SLC24A2: variants seen among roughly 807,000 people sequenced by gnomAD.
SLC24A2 encodes solute carrier family 24 member 2, also known as sodium/potassium/calcium exchanger 2.
A neutral mutation model predicts 62.0 loss-of-function variants in SLC24A2; 36 were observed. The observed-to-expected ratio is 0.58, with a 90% CI of 0.44 to 0.77. SLC24A2 has a LOEUF of 0.77. Among genes scored for constraint, SLC24A2 ranks in the 30% least tolerant of loss-of-function variants. SLC24A2 has a pLI of 0.00. For missense variants in SLC24A2, 846 were observed against 817.9 expected (o/e 1.03, Z -0.42); for synonymous variants, 358 against 294.0 (o/e 1.22, Z -2.23).
At chr9:20,244,275 G>T in the SLC24A2 span, among the ~76,000 whole-genome samples, 1 of 152,140 alleles carries the variant, frequency 6.6e-6, no homozygotes, top group Admixed American at 6.5e-5. Context: ...GAGTTTACAA[G>T]ATCCCAAGGA....
chr9:19,633,586 C>T (rs1201987775), intron 2 of SLC24A2, among the ~76,000 whole-genome samples: 1 of 152,082 alleles, frequency 6.6e-6, no homozygotes, highest in African/African-American at 2.4e-5. Context: ...CCAGGCTGGT[C>T]TTGTACTCCT....
chr9:19,795,582 T>C, the SLC24A2 span, among the ~76,000 whole-genome samples: 1 of 152,212 alleles, frequency 6.6e-6, no homozygotes, highest in African/African-American at 2.4e-5. Flanking sequence ...AGTTTTTTTT[T>C]CCAGGTACTT....
rs769204758 is a variant in SLC24A2, at chr9:19,509,540, A to G, written c.*6613T>C. Reference sequence around the variant, plus strand: ...ACAGTTGTCTCTTATGAAGTACTATAAAGTGCAATATTAAAAAATTAAAAA... The same window carrying G: ...ACAGTTGTCTCTTATGAAGTACTATGAAGTGCAATATTAAAAAATTAAAAA... On this transcript the variant is annotated 3_prime_UTR_variant, in exon 11 of 11. Coordinates refer to ENST00000341998, the MANE Select transcript of SLC24A2 (RefSeq NM_020344.4). 60 of 152,170 alleles carry G rather than the reference A, an allele frequency of 3.9e-4. No individual in the cohort carries two copies. Among genetic ancestry groups the G allele is most frequent in the Non-Finnish European group, 6.0e-4 (41 of 68,026 alleles). The allele number at this position is 152,170 out of a possible 1,614,324, so 9.4% of individuals were successfully genotyped here.
At chr9:19,608,814 G>C (rs576327877) in intron 4 of SLC24A2, among the ~76,000 whole-genome samples, 317 of 147,590 alleles carry the variant, frequency 2.1e-3, no homozygotes, top group Middle Eastern at 0.01. Context: ...ACACACACAC[G>C]CATAGACACT....
At chr9:20,015,432 A>G in the SLC24A2 span, among the ~76,000 whole-genome samples, 3 of 152,222 alleles carry the variant, frequency 2.0e-5, no homozygotes, top group Admixed American at 1.3e-4. Flanking sequence ...TGTGAGCTGG[A>G]TTGTTGAGTT....
intron 8 of SLC24A2, among the ~76,000 whole-genome samples, chr9:19,541,791 G>A (rs1470748637): frequency 1.3e-5 from 2 of 148,470 alleles, no homozygotes; most frequent in African/African-American, 2.5e-5. Context: ...AATGGCGGGC[G>A]CCCCTCCCCC....
At chr9:19,547,752 T>C (rs576924696) in intron 8 of SLC24A2, among the ~76,000 whole-genome samples, 2 of 151,612 alleles carry the variant, frequency 1.3e-5, no homozygotes, top group South Asian at 4.1e-4. Flanking sequence ...TTTGGGAATT[T>C]AGAAAACTGT....
intron 2 of SLC24A2, among the ~76,000 whole-genome samples, chr9:19,707,610 C>G (rs1394682438): frequency 2.6e-5 from 4 of 152,176 alleles, no homozygotes; most frequent in Admixed American, 6.5e-5. Context: ...ATACGAAAAT[C>G]AATAAATGTA....
chr9:20,202,534 G>C, the SLC24A2 span, among the ~76,000 whole-genome samples: 1 of 152,130 alleles, frequency 6.6e-6, no homozygotes, highest in African/African-American at 2.4e-5. Context: ...TGAGGGGATA[G>C]TTGTGGGTTT....
the SLC24A2 span, among the ~76,000 whole-genome samples, chr9:20,052,162 T>G: frequency 6.6e-6 from 1 of 152,200 alleles, no homozygotes; most frequent in East Asian, 1.9e-4. Flanking sequence ...CATTAACATT[T>G]CCACTTGGAT....
At chr9:19,965,420 T>A in the SLC24A2 span, among the ~76,000 whole-genome samples, 1 of 152,200 alleles carries the variant, frequency 6.6e-6, no homozygotes, top group Non-Finnish European at 1.5e-5. Context: ...AACCAACTAT[T>A]TGCCAACTAG....
At chr9:20,227,905 C>A in the SLC24A2 span, among the ~76,000 whole-genome samples, 5 of 152,152 alleles carry the variant, frequency 3.3e-5, no homozygotes, top group African/African-American at 1.2e-4. Context: ...CACAGAAATT[C>A]TGCTCTATCC....
rs973088806 is a variant in SLC24A2 at position 19,601,444 on chromosome 9, A to G, written c.1079-4165T>C. On this transcript the variant is annotated intron_variant, in intron 4 of 10. Transcript: ENST00000341998. ...GAAGCTTTGTTCTTTTGCTTTTCACAATAAATCTTGCTGCTGCTCATTATT... is the reference window on the plus strand; with the variant it reads ...GAAGCTTTGTTCTTTTGCTTTTCACGATAAATCTTGCTGCTGCTCATTATT... 3.9e-5 allele frequency among the ~76,000 whole-genome samples: 6 copies of G among 152,204 alleles called. 1 individual carries two copies. The highest frequency in any genetic ancestry group is 1.4e-4 in the African/African-American group (6 of 41,438).
the SLC24A2 span, among the ~76,000 whole-genome samples, chr9:20,281,605 G>C: frequency 6.6e-6 from 1 of 152,110 alleles, no homozygotes; most frequent in Non-Finnish European, 1.5e-5. Context: ...GTCTTCTTTT[G>C]TGCCACATAG....
the SLC24A2 span, among the ~76,000 whole-genome samples, chr9:20,006,058 A>G: frequency 1.3e-5 from 2 of 151,758 alleles, no homozygotes; most frequent in African/African-American, 2.4e-5. Flanking sequence ...AAAATACCCA[A>G]TTTATCTGGC....
At chr9:20,019,251 AAGAGAAAG>A in the SLC24A2 span, among the ~76,000 whole-genome samples, 2 of 75,938 alleles carry the variant, frequency 2.6e-5, no homozygotes, top group African/African-American at 9.3e-5. Context: ...GAAAGAAGGA[AAGAGAAAG>A]AAAGAAAGAA....
the SLC24A2 span, among the ~76,000 whole-genome samples, chr9:20,205,704 T>A: frequency 6.7e-6 from 1 of 150,290 alleles, no homozygotes; most frequent in Admixed American, 6.6e-5. Context: ...CTCAGGTTAT[T>A]CAGATTTAGG....
the SLC24A2 span, among the ~76,000 whole-genome samples, chr9:20,295,664 C>G: frequency 3.3e-5 from 5 of 152,192 alleles, no homozygotes; most frequent in African/African-American, 1.2e-4. Flanking sequence ...TCTTCTGCTG[C>G]TTTGGACATC....
chr9:20,201,725 T>TA, the SLC24A2 span, among the ~76,000 whole-genome samples: 3 of 152,188 alleles, frequency 2.0e-5, no homozygotes. Flanking sequence ...AACAGTTTTT[T>TA]AAAAATTCTC....
Sources: gnomAD v4.1 joint callset for allele counts (sites outside exome capture counted in the v4.1 genomes callset) on GRCh38, gnomAD v4.1.1 for gene constraint, MANE v1.5 for transcripts, NCBI Gene and HGNC (gene_info 2026-07-23, HGNC 2026-07-21) for gene names.